Variants in WWP1 observed in about 807,000 individuals in gnomAD.
The protein encoded by WWP1 is NEDD4-like E3 ubiquitin-protein ligase WWP1.
A neutral mutation model predicts 130.6 loss-of-function variants in WWP1; 49 were observed. That is an observed-to-expected ratio of 0.38 (90% CI 0.30 to 0.48). The LOEUF (loss-of-function observed/expected upper bound fraction) is 0.48, where lower values mean the gene tolerates loss of function less well. WWP1 is among the 20% of genes least tolerant of loss of function. WWP1 has a pLI of 0.99. For synonymous variants in WWP1, 332 were observed against 367.8 expected, an observed-to-expected ratio of 0.90 and a Z score of 1.11; for missense variants, 809 against 1,100.6, an observed-to-expected ratio of 0.74 and a Z score of 3.75.
At chr8:86,393,008 T>G (rs1425886178) in intron 5 of WWP1, among the ~76,000 whole-genome samples, 1 of 136,198 alleles carries the variant, frequency 7.3e-6, no homozygotes, top group Admixed American at 7.2e-5. Flanking sequence ...GATAAAAAAA[T>G]GAGAAGTTTT....
chr8:86,424,379 C>T (rs1209512261), intron 9 of WWP1, among the ~76,000 whole-genome samples: 16 of 151,626 alleles, frequency 1.1e-4, no homozygotes, highest in African/African-American at 3.1e-4. Flanking sequence ...CAGGCAGAGA[C>T]GCTCCTCACT....
intron 17 of WWP1, among the ~76,000 whole-genome samples, chr8:86,441,845 A>T (rs570967650): frequency 2.0e-5 from 3 of 152,330 alleles, no homozygotes; most frequent in African/African-American, 7.2e-5. Context: ...TACTGTAAGC[A>T]TTTGAGTTTG....
At chr8:86,418,889 T>G (rs913453093) in intron 9 of WWP1, among the ~76,000 whole-genome samples, 1 of 152,180 alleles carries the variant, frequency 6.6e-6, no homozygotes. Flanking sequence ...ACCAGGAGAC[T>G]AACAGTATCT....
chr8:86,419,708 C>A (rs1809090198), intron 9 of WWP1, among the ~76,000 whole-genome samples: 1 of 152,066 alleles, frequency 6.6e-6, no homozygotes, highest in South Asian at 2.1e-4. Context: ...GAAGAATAAA[C>A]ACAAATTTCT....
At chr8:86,411,475 G>A (rs939111644) in intron 8 of WWP1, 63 bp from the exon 9 acceptor site, 6 of 1,409,006 alleles carry the variant, frequency 4.3e-6, no homozygotes, top group African/African-American at 1.4e-5. Context: ...GTAGTCAATT[G>A]ATTAGGTAAT....
intron 9 of WWP1, among the ~76,000 whole-genome samples, chr8:86,420,243 A>G (rs1809126995): frequency 6.6e-6 from 1 of 152,234 alleles, no homozygotes; most frequent in South Asian, 2.1e-4. Context: ...ATCAGAAGGC[A>G]GGTGCAATCA....
intron 18 of WWP1, among the ~76,000 whole-genome samples, chr8:86,446,182 A>C (rs1586481965): frequency 1.3e-5 from 2 of 148,718 alleles, no homozygotes; most frequent in Admixed American, 1.4e-4. Flanking sequence ...GGGTTTCACC[A>C]TGTTGGCCGG....
intron 3 of WWP1, among the ~76,000 whole-genome samples, chr8:86,375,852 A>G (rs1383580470): frequency 4.6e-5 from 7 of 152,156 alleles, no homozygotes; most frequent in Non-Finnish European, 1.0e-4. Context: ...GTTCCTCTCC[A>G]TGGGGTCTGC....
At chr8:86,398,217 G>C in intron 5 of WWP1, 125 bp from the exon 6 acceptor site, 1 of 1,056,864 alleles carries the variant, frequency 9.5e-7, no homozygotes. Flanking sequence ...GTTGTCAAAG[G>C]CATGCAAAGA....
chr8:86,355,961 G>C (rs1314005981), intron 1 of WWP1, among the ~76,000 whole-genome samples: 11 of 152,202 alleles, frequency 7.2e-5, no homozygotes, highest in Non-Finnish European at 5.9e-5. Context: ...TTCAAATTCA[G>C]ACTTACTAGT....
At chr8:86,434,011 A>G (rs1351992252) in intron 14 of WWP1, among the ~76,000 whole-genome samples, 1 of 152,134 alleles carries the variant, frequency 6.6e-6, no homozygotes. Flanking sequence ...CTCAACTTCA[A>G]AACATATCTA....
chr8:86,466,411 T>C (rs990177413), intron 24 of WWP1, among the ~76,000 whole-genome samples: 3 of 152,274 alleles, frequency 2.0e-5, no homozygotes, highest in East Asian at 1.9e-4. Context: ...TTATCAGTTA[T>C]ATAAAAAATT....
chr8:86,364,849 G>T (rs1194343720), intron 1 of WWP1, among the ~76,000 whole-genome samples: 2 of 151,530 alleles, frequency 1.3e-5, no homozygotes, highest in Non-Finnish European at 2.9e-5. Context: ...GAGAGAGAGA[G>T]AGAGAGAGAA....
At chr8:86,461,030 C>T (rs1483338531) in intron 22 of WWP1, among the ~76,000 whole-genome samples, 194 bp from the exon 23 acceptor site, 8 of 151,914 alleles carry the variant, frequency 5.3e-5, no homozygotes, top group Middle Eastern at 3.4e-3. Flanking sequence ...AGGATGATCT[C>T]GATCTCCTGA....
intron 16 of WWP1, 71 bp downstream of exon 16, chr8:86,435,775 GTT>G (rs2130699028): frequency 4.7e-6 from 7 of 1,500,076 alleles, no homozygotes; most frequent in Non-Finnish European, 6.4e-6. Context: ...GAAAGTCAGG[GTT>G]TTAGAGATTT....
chr8:86,395,220 A>C (rs540019324), intron 5 of WWP1, among the ~76,000 whole-genome samples: 1 of 152,340 alleles, frequency 6.6e-6, no homozygotes, highest in Non-Finnish European at 1.5e-5. Context: ...ACAAGCCACC[A>C]TAAGCAGAGG....
chr8:86,431,536 G>C (rs1351383797), intron 13 of WWP1, 46 bp downstream of exon 13: 2 of 1,611,546 alleles, frequency 1.2e-6, no homozygotes, highest in East Asian at 4.5e-5. Flanking sequence ...ATATCAGTAG[G>C]TAGAACCAAC....
At chr8:86,344,120 A>C (rs7819454) in intron 1 of WWP1, among the ~76,000 whole-genome samples, 2 of 152,058 alleles carry the variant, frequency 1.3e-5, no homozygotes, top group East Asian at 3.9e-4. Context: ...AATTAGCTGC[A>C]ACTAGAAATG....
chr8:86,403,883 G>A (rs1279738154), intron 8 of WWP1, among the ~76,000 whole-genome samples: 1 of 152,132 alleles, frequency 6.6e-6, no homozygotes, highest in Non-Finnish European at 1.5e-5. Flanking sequence ...CAAAGTTCAT[G>A]TATTTTCTGA....
Sources: allele counts gnomAD v4.1 joint callset (sites outside exome capture counted in the v4.1 genomes callset), GRCh38; gene constraint gnomAD v4.1.1; transcripts MANE v1.5; gene names NCBI Gene and HGNC (gene_info 2026-07-23, HGNC 2026-07-21).